The following PITPNA variants were observed in gnomAD, a reference collection of about 807,000 sequenced individuals.
PITPNA encodes the protein phosphatidylinositol transfer protein alpha.
A neutral mutation model predicts 50.3 loss-of-function variants in PITPNA; 13 were observed. The ratio of observed to expected loss-of-function variants is 0.26; its 90% confidence interval spans 0.17 to 0.41. The LOEUF (loss-of-function observed/expected upper bound fraction) is 0.41, where lower values mean the gene tolerates loss of function less well. PITPNA is among the 10% of genes least tolerant of loss of function. PITPNA has a pLI of 1.00. For missense variants in PITPNA, 207 were observed against 333.4 expected (o/e 0.62, Z 2.95); for synonymous variants, 120 against 119.6 (o/e 1.00, Z -0.02).
intron 5 of PITPNA, 34 bp downstream of exon 5, chr17:1,542,986 C>T (rs1237812167): frequency 1.3e-6 from 2 of 1,540,482 alleles, no homozygotes; most frequent in Non-Finnish European, 1.8e-6. Flanking sequence ...TCTTATACAT[C>T]ATCTACAGTT....
chr17:1,549,244 T>C (rs1388232518), intron 3 of PITPNA, among the ~76,000 whole-genome samples: 1 of 150,358 alleles, frequency 6.7e-6, no homozygotes, highest in Non-Finnish European at 1.5e-5. Flanking sequence ...CAGAACAACA[T>C]GTACAGTATA....
intron 8 of PITPNA, 74 bp from the exon 9 acceptor site, chr17:1,535,366 C>G: frequency 1.3e-6 from 2 of 1,501,540 alleles, no homozygotes; most frequent in South Asian, 2.3e-5. Flanking sequence ...CTCACCCCAG[C>G]CATGCCCCTC....
intron 4 of PITPNA, among the ~76,000 whole-genome samples, chr17:1,547,196 CAAA>C (rs758159456): frequency 3.2e-5 from 2 of 62,962 alleles, no homozygotes; most frequent in Non-Finnish European, 6.0e-5. Flanking sequence ...CCCATCTCTC[CAAA>C]AAAAAAAAAA....
intron 9 of PITPNA, among the ~76,000 whole-genome samples, chr17:1,534,510 T>C (rs560108356): frequency 6.6e-6 from 1 of 152,266 alleles, no homozygotes; most frequent in African/African-American, 2.4e-5. Flanking sequence ...CATGAACTCC[T>C]AGGCAAGCCA....
intron 10 of PITPNA, among the ~76,000 whole-genome samples, chr17:1,531,933 C>T (rs2075585602): frequency 6.6e-6 from 1 of 152,146 alleles, no homozygotes; most frequent in South Asian, 2.1e-4. Flanking sequence ...ACAACATGTA[C>T]CACAATGAGG....
chr17:1,544,339 TA>T (rs1373925711), intron 4 of PITPNA, among the ~76,000 whole-genome samples: 1 of 152,258 alleles, frequency 6.6e-6, no homozygotes, highest in Non-Finnish European at 1.5e-5. Context: ...TGTAACTTCA[TA>T]GACTGGCGCT....
At position 1,534,085 on chromosome 17, in the gene PITPNA, G is replaced by A. The variant is rs371204666; in HGVS notation, c.768+14C>T. On this transcript the variant is annotated intron_variant, in intron 10 of 11. Transcript: ENST00000313486. ...TTGTTTATCTAATTGAGAGCCCCCAGAGCCCCCACTTACTTCATCCAGCTG... is the reference window on the plus strand; with the variant it reads ...TTGTTTATCTAATTGAGAGCCCCCAAAGCCCCCACTTACTTCATCCAGCTG... The A allele has an allele frequency of 6.2e-7, 1 of 1,613,344 alleles. No individual in the cohort carries two copies. The highest frequency in any genetic ancestry group is 1.3e-5 in the African/African-American group (1 of 74,844).
At chr17:1,559,743 A>G in intron 1 of PITPNA, 3 of 984,500 alleles carry the variant, frequency 3.0e-6, no homozygotes, top group Non-Finnish European at 3.6e-6. Flanking sequence ...GAGGGGTCTG[A>G]GGAAAACATC....
At chr17:1,523,524 T>TG (rs397857733) in intron 10 of PITPNA, among the ~76,000 whole-genome samples, 1 of 149,676 alleles carries the variant, frequency 6.7e-6, no homozygotes, top group Non-Finnish European at 1.5e-5. Context: ...TTTTTTTTTT[T>TG]GAGACACAGT....
chr17:1,552,491 T>G (rs753657360), intron 3 of PITPNA, among the ~76,000 whole-genome samples: 2 of 152,216 alleles, frequency 1.3e-5, no homozygotes, highest in Admixed American at 1.3e-4. Context: ...CTGATGCCTT[T>G]GATCCAAAGA....
At chr17:1,524,311 T>A (rs535562115) in intron 10 of PITPNA, among the ~76,000 whole-genome samples, 2 of 150,436 alleles carry the variant, frequency 1.3e-5, no homozygotes, top group East Asian at 3.9e-4. Context: ...CCCAAAGTGC[T>A]GGGATTACAG....
chr17:1,518,642 C>G lies in PITPNA; in HGVS notation c.*1919G>C, dbSNP rs1392899156. On this transcript the variant is annotated 3_prime_UTR_variant, in exon 12 of 12. Coordinates refer to ENST00000313486, the MANE Select transcript of PITPNA (RefSeq NM_006224.4). ...AAGTGATATGTGTGGGTCTCAAGAGCCAAAGGAAGGAGACTAACAGCTGCT... is the reference window on the plus strand; with the variant it reads ...AAGTGATATGTGTGGGTCTCAAGAGGCAAAGGAAGGAGACTAACAGCTGCT... The G allele has an allele frequency of 1.3e-5, 2 of 152,312 alleles. No homozygotes were observed. Among genetic ancestry groups the G allele is most frequent in the Non-Finnish European group, 2.9e-5 (2 of 68,026 alleles). 9.4% of individuals were successfully genotyped at this position (152,312 alleles called of 1,614,324 possible).
chr17:1,550,702 T>C (rs1483723780), intron 3 of PITPNA, among the ~76,000 whole-genome samples: 1 of 152,170 alleles, frequency 6.6e-6, no homozygotes, highest in South Asian at 2.1e-4. Context: ...CTCATTTTTG[T>C]ATTTTCTGGT....
rs752299034 is a variant in PITPNA at position 1,548,398 on chromosome 17, GA to G, written c.198-12del. ...AACGTGGGTACTTTGCTATAGCGGG[GA>G]AAAAAAGGGGTATAAAGAGAAATGG... On this transcript the variant is annotated splice_polypyrimidine_tract_variant and intron_variant, in intron 3 of 11. Coordinates refer to ENST00000313486, the MANE Select transcript of PITPNA (RefSeq NM_006224.4). The G allele has an allele frequency of 3.5e-5, 54 of 1,559,364 alleles. No homozygotes were observed. Among genetic ancestry groups the G allele is most frequent in the South Asian group, 5.8e-5 (5 of 85,742 alleles).
intron 3 of PITPNA, among the ~76,000 whole-genome samples, chr17:1,550,758 A>C (rs146683193): frequency 2.6e-5 from 4 of 152,040 alleles, no homozygotes; most frequent in Admixed American, 6.5e-5. Flanking sequence ...AAAAGGTCCT[A>C]TAAGTTATGT....
At chr17:1,541,469 AAGAGGACCACAG>A (rs2151008754) in intron 6 of PITPNA, 85 bp downstream of exon 6, 2 of 866,588 alleles carry the variant, frequency 2.3e-6, no homozygotes, top group East Asian at 2.4e-5. Context: ...GGCCAGGCAA[AAGAGGACCACAG>A]AGAGGACCCC....
In PITPNA at chr17:1,551,441, G is replaced by A. The variant is rs1027408832; in HGVS notation, c.197+1563C>T. On this transcript the variant is annotated intron_variant, in intron 3 of 11. Transcript: ENST00000313486. ...TGAGTAGACAGGACTACAGACACTC[G>A]CCACCACACCAGCCTAATTTTGTTT... is the stretch of plus-strand genomic sequence containing the variant. Among the ~76,000 whole-genome samples the A allele has an allele frequency of 2.6e-5, 4 of 151,752 alleles. No individual in the cohort carries two copies. The East Asian group carries it at 7.7e-4, about 29-fold the overall frequency.
At chr17:1,550,005 G>A (rs2075700056) in intron 3 of PITPNA, among the ~76,000 whole-genome samples, 2 of 152,184 alleles carry the variant, frequency 1.3e-5, no homozygotes, top group African/African-American at 4.8e-5. Context: ...AATCTGTCCA[G>A]TCTTTGGCAA....
chr17:1,560,551 G>C (rs949660967), intron 1 of PITPNA, among the ~76,000 whole-genome samples: 3 of 152,218 alleles, frequency 2.0e-5, no homozygotes, highest in Non-Finnish European at 4.4e-5. Context: ...GACAGGGAAG[G>C]AGTGCCTCTC....
Sources: allele counts gnomAD v4.1 joint callset (sites outside exome capture counted in the v4.1 genomes callset), GRCh38; gene constraint gnomAD v4.1.1; transcripts MANE v1.5; gene names NCBI Gene and HGNC (gene_info 2026-07-23, HGNC 2026-07-21).